The following ASPH variants were observed in gnomAD, a reference collection of about 807,000 sequenced individuals.
The protein encoded by ASPH is aspartate beta-hydroxylase.
Under a neutral mutation model 118.4 loss-of-function variants are expected in ASPH, and 100 were observed. The ratio of observed to expected loss-of-function variants is 0.84; its 90% CI spans 0.72 to 1.00. ASPH has a LOEUF of 1.00. ASPH is among the 50% of genes least tolerant of loss of function. ASPH has a pLI of 0.00. For missense variants in ASPH, 920 were observed against 919.5 expected, an observed-to-expected ratio of 1.00 and a Z score of -0.01; for synonymous variants, 315 against 325.6, an observed-to-expected ratio of 0.97 and a Z score of 0.35.
Position 61,684,155 on chromosome 8 carries a change from T to G in ASPH, c.137A>C (p.Lys46Thr), listed in dbSNP as rs1214690073. ...GAATGAAGTTCCTGAGAGTCCGCCT[T>G]TCCTCCCATTCTTGTGTCCTCCATG... ...TKHGGHKNGR[K>T]GGLSGTSFFT... Residue 46 changes from lysine to threonine, a missense_variant, in exon 2 of 25, where the codon AAA becomes ACA. Transcript: ENST00000379454. 6.2e-7 allele frequency: 1 copy of G among 1,613,452 alleles called. No individual in the cohort carries two copies.
chr8:61,659,873 A>G (rs1815848230), intron 3 of ASPH: 1 of 152,204 alleles, frequency 6.6e-6, no homozygotes, highest in Non-Finnish European at 1.5e-5. Flanking sequence ...CTAAATGGCA[A>G]TATTTATTAT....
Position 61,593,870 on chromosome 8 carries a change from T to C in ASPH, c.977-9841A>G, listed in dbSNP as rs541011804. Among the ~76,000 whole-genome samples, 13 of 152,314 alleles carry C rather than the reference T, an allele frequency of 8.5e-5. No individual in the cohort carries two copies. In the South Asian group the frequency reaches 2.5e-3, roughly 29 times the overall value. On this transcript the variant is annotated intron_variant, in intron 14 of 24. Transcript: ENST00000379454. Reference sequence around the variant, plus strand: ...CCCACGCACACGTTCCATGAGAGAATAGCCACCTTCCTCAAATGTTATTTT... The same window carrying C: ...CCCACGCACACGTTCCATGAGAGAACAGCCACCTTCCTCAAATGTTATTTT...
chr8:61,586,417 A>G (rs770728148), intron 14 of ASPH, among the ~76,000 whole-genome samples: 1 of 152,186 alleles, frequency 6.6e-6, no homozygotes, highest in Non-Finnish European at 1.5e-5. Context: ...TCTTTTTCAT[A>G]TTGACTTTAT....
At chr8:61,573,495 T>C (rs999653102) in intron 16 of ASPH, among the ~76,000 whole-genome samples, 1 of 152,084 alleles carries the variant, frequency 6.6e-6, no homozygotes, top group African/African-American at 2.4e-5. Context: ...AAAACAGCAT[T>C]GTACTGGTAC....
chr8:61,683,308 A>G (rs1463148845), intron 2 of ASPH, among the ~76,000 whole-genome samples: 1 of 152,174 alleles, frequency 6.6e-6, no homozygotes, highest in Non-Finnish European at 1.5e-5. Flanking sequence ...TCAAATATAT[A>G]TAATATTGAA....
intron 3 of ASPH, chr8:61,657,971 A>ATC (rs1300583348): frequency 6.6e-6 from 1 of 152,224 alleles, no homozygotes; most frequent in Non-Finnish European, 1.5e-5. Flanking sequence ...AGCTATGGTT[A>ATC]TCTGTGCTCA....
chr8:61,644,657 T>C lies in ASPH; in HGVS notation c.620-25A>G, dbSNP rs1427600125. On this transcript the variant is annotated intron_variant, in intron 6 of 24. Transcript: ENST00000379454. The stretch of plus-strand genomic sequence containing the variant: ...TCTGGAAAAAAAAAAATTAGATTGA[T>C]ATTTACTGCTTTTACAAAATGGTAT... 1.3e-5 allele frequency: 21 copies of C among 1,566,534 alleles called. No individual in the cohort carries two copies. The East Asian group carries it at 4.8e-4, about 36-fold the overall frequency.
At chr8:61,669,471 T>C (rs1821339066) in intron 3 of ASPH, among the ~76,000 whole-genome samples, 1 of 152,216 alleles carries the variant, frequency 6.6e-6, no homozygotes, top group African/African-American at 2.4e-5. Flanking sequence ...CAGTACTTAT[T>C]CCCATGTGTT....
intron 22 of ASPH, among the ~76,000 whole-genome samples, chr8:61,518,368 G>T (rs1489010191): frequency 6.6e-6 from 1 of 152,186 alleles, no homozygotes; most frequent in Non-Finnish European, 1.5e-5. Context: ...TTCACTCGGT[G>T]TTGGACTATT....
intron 22 of ASPH, among the ~76,000 whole-genome samples, chr8:61,521,493 C>T (rs1026894534): frequency 7.2e-5 from 11 of 152,162 alleles, no homozygotes; most frequent in South Asian, 2.1e-4. Flanking sequence ...AGCTAACAAG[C>T]GGTGCATCCA....
intron 3 of ASPH, among the ~76,000 whole-genome samples, chr8:61,678,565 T>G (rs1826435566): frequency 6.6e-6 from 1 of 152,124 alleles, no homozygotes; most frequent in East Asian, 1.9e-4. Context: ...AACTCTAAAA[T>G]TGAGTGAAAT....
At chr8:61,687,531 G>C (rs1365813821) in intron 1 of ASPH, 6 of 152,172 alleles carry the variant, frequency 3.9e-5, no homozygotes, top group Non-Finnish European at 7.3e-5. Flanking sequence ...CAACAGAGTG[G>C]TGACAGAGGA....
At chr8:61,546,621 C>T (rs1823970024) in intron 21 of ASPH, among the ~76,000 whole-genome samples, 1 of 152,158 alleles carries the variant, frequency 6.6e-6, no homozygotes, top group Admixed American at 6.5e-5. Context: ...TATTCAAAGG[C>T]TAACCAATGG....
At chr8:61,681,210 G>A (rs150155670) in intron 2 of ASPH, among the ~76,000 whole-genome samples, 174 bp from the exon 3 acceptor site, 3 of 151,762 alleles carry the variant, frequency 2.0e-5, no homozygotes, top group East Asian at 1.9e-4. Flanking sequence ...TAAAAATAGC[G>A]AGCAATTCAG....
chr8:61,582,351 T>C (rs1402057194), intron 15 of ASPH, among the ~76,000 whole-genome samples: 1 of 152,222 alleles, frequency 6.6e-6, no homozygotes, highest in Non-Finnish European at 1.5e-5. Context: ...AAAAGTCACC[T>C]GTGCAATAGG....
At chr8:61,578,853 T>C (rs1405236652) in intron 15 of ASPH, 14 of 1,612,322 alleles carry the variant, frequency 8.7e-6, no homozygotes, top group African/African-American at 1.3e-5. Flanking sequence ...AGAGCTGGAG[T>C]CTCGCCTGGA....
chr8:61,611,873 A>T (rs1847480787), intron 14 of ASPH, among the ~76,000 whole-genome samples: 1 of 152,216 alleles, frequency 6.6e-6, no homozygotes, highest in South Asian at 2.1e-4. Context: ...TTTCAATTTG[A>T]GTCCAGCCAA....
At chr8:61,597,191 G>A (rs912174923) in intron 14 of ASPH, among the ~76,000 whole-genome samples, 3 of 117,518 alleles carry the variant, frequency 2.6e-5, no homozygotes, top group Non-Finnish European at 5.5e-5. Context: ...AAATAATCCA[G>A]TCAGGAAAAA....
chr8:61,539,699 G>GGTGTGTGTGT (rs10522481), intron 21 of ASPH, among the ~76,000 whole-genome samples: 1,332 of 124,236 alleles, frequency 0.011, 27 homozygotes, highest in Middle Eastern at 0.022. Context: ...ACACTTCTGG[G>GGTGTGTGTGT]GTGTGTGTGT....
Sources: gnomAD v4.1 joint callset for allele counts (sites outside exome capture counted in the v4.1 genomes callset) on GRCh38, gnomAD v4.1.1 for gene constraint, MANE v1.5 for transcripts, NCBI Gene and HGNC (gene_info 2026-07-23, HGNC 2026-07-21) for gene names.